The following ZC3H12B variants were observed in gnomAD, a reference collection of about 807,000 sequenced individuals.
The protein encoded by ZC3H12B is probable ribonuclease ZC3H12B.
A neutral mutation model predicts 43.9 loss-of-function variants in ZC3H12B; 7 were observed. The observed-to-expected ratio is 0.16, with a 90% CI of 0.09 to 0.30. The LOEUF (loss-of-function observed/expected upper bound fraction) is 0.30. Ranked by LOEUF, ZC3H12B falls within the 10% of genes least tolerant of loss-of-function variation. The pLI is 1.00. For missense variants in ZC3H12B, 475 were observed against 670.2 expected (o/e 0.71, Z 3.22); for synonymous variants, 222 against 241.7 (o/e 0.92, Z 0.76).
chrX:65,500,930 C>T (rs995073201), intron 4 of ZC3H12B, among the ~76,000 whole-genome samples: 1 of 110,947 alleles, frequency 9.0e-6, no homozygotes, highest in Non-Finnish European at 1.9e-5. Flanking sequence ...CTCAATTAAT[C>T]TTTAAGTCAC....
chrX:65,394,744 T>C (rs997527688), intron 2 of ZC3H12B, among the ~76,000 whole-genome samples: 4 of 112,193 alleles, frequency 3.6e-5, no homozygotes, highest in Non-Finnish European at 7.5e-5. Context: ...GTGAGGAAAG[T>C]CAATGGTAGC....
intron 3 of ZC3H12B, among the ~76,000 whole-genome samples, chrX:65,399,381 G>A (rs1266419826): frequency 8.9e-6 from 1 of 111,921 alleles, no homozygotes; most frequent in East Asian, 2.8e-4. Flanking sequence ...GTCCTGAATA[G>A]GCATTTCTCA....
At chrX:65,146,225 A>G in the ZC3H12B span, among the ~76,000 whole-genome samples, 1 of 111,176 alleles carries the variant, frequency 9.0e-6, no homozygotes, top group Non-Finnish European at 1.9e-5. Context: ...TAATTCAAAG[A>G]CCTTGTCTTC....
chrX:65,312,855 T>C, the ZC3H12B span, among the ~76,000 whole-genome samples: 1 of 111,641 alleles, frequency 9.0e-6, no homozygotes, highest in East Asian at 2.8e-4. Context: ...ACATTGCTTA[T>C]TGGTTTTTTG....
At chrX:65,067,084 G>A in the ZC3H12B span, among the ~76,000 whole-genome samples, 3 of 110,794 alleles carry the variant, frequency 2.7e-5, no homozygotes, top group South Asian at 1.2e-3. Flanking sequence ...GCTCTGTGGG[G>A]GTGCAACCTG....
the ZC3H12B span, among the ~76,000 whole-genome samples, chrX:65,166,635 G>T: frequency 8.9e-6 from 1 of 111,812 alleles, no homozygotes; most frequent in Non-Finnish European, 1.9e-5. Flanking sequence ...CTTCCACAAT[G>T]GTTGAACTAG....
the ZC3H12B span, among the ~76,000 whole-genome samples, chrX:65,072,802 A>G: frequency 1.8e-5 from 2 of 112,109 alleles, no homozygotes; most frequent in Non-Finnish European, 1.9e-5. Flanking sequence ...AACAGGTGCC[A>G]GGGTGCAGGC....
chrX:65,128,390 A>G, the ZC3H12B span, among the ~76,000 whole-genome samples: 1 of 112,016 alleles, frequency 8.9e-6, no homozygotes, highest in Non-Finnish European at 1.9e-5. Context: ...TCTGTTATCA[A>G]TTTCTAGATT....
chrX:65,175,756 G>A, the ZC3H12B span, among the ~76,000 whole-genome samples: 1 of 112,145 alleles, frequency 8.9e-6, no homozygotes, highest in African/African-American at 3.2e-5. Flanking sequence ...GAAGCACGGT[G>A]GGGCGTTGCC....
exon 5 of ZC3H12B, chrX:65,502,599 A>C: frequency 8.3e-7 from 1 of 1,210,166 alleles, no homozygotes; most frequent in Non-Finnish European, 1.1e-6. Context: ...GGTTACCATG[A>C]AGCCTTAACA....
chrX:65,073,369 T>C, the ZC3H12B span, among the ~76,000 whole-genome samples: 1 of 112,054 alleles, frequency 8.9e-6, no homozygotes, highest in Non-Finnish European at 1.9e-5. Flanking sequence ...GCTGGAACTC[T>C]TTTCTGGCCA....
the ZC3H12B span, among the ~76,000 whole-genome samples, chrX:65,359,316 A>G: frequency 8.9e-6 from 1 of 112,050 alleles, no homozygotes; most frequent in Non-Finnish European, 1.9e-5. Context: ...TTGATTTTCA[A>G]GTCCTATTAT....
the ZC3H12B span, among the ~76,000 whole-genome samples, chrX:65,227,627 C>G: frequency 6.3e-5 from 7 of 110,442 alleles, no homozygotes; most frequent in Admixed American, 1.9e-4. Context: ...AAAATTGATA[C>G]ACTGCTAGCA....
the ZC3H12B span, among the ~76,000 whole-genome samples, chrX:65,069,113 G>C: frequency 9.2e-6 from 1 of 108,654 alleles, no homozygotes; most frequent in Non-Finnish European, 1.9e-5. Flanking sequence ...AGTCTTCTTT[G>C]GGTTCAATCT....
chrX:65,120,068 A>C, the ZC3H12B span, among the ~76,000 whole-genome samples: 1 of 111,999 alleles, frequency 8.9e-6, no homozygotes, highest in African/African-American at 3.2e-5. Flanking sequence ...TATAGTTTGA[A>C]GTCAGGTAGC....
the ZC3H12B span, among the ~76,000 whole-genome samples, chrX:65,178,249 T>G: frequency 8.9e-6 from 1 of 112,264 alleles, no homozygotes; most frequent in Non-Finnish European, 1.9e-5. Flanking sequence ...TTATACCTTA[T>G]ACAAAGATTA....
intron 2 of ZC3H12B, among the ~76,000 whole-genome samples, chrX:65,394,650 T>A (rs2066672196): frequency 8.9e-6 from 1 of 111,987 alleles, no homozygotes; most frequent in Non-Finnish European, 1.9e-5. Flanking sequence ...CCTCTAGCTT[T>A]GTTCTTTTTA....
chrX:65,230,924 A>G, the ZC3H12B span, among the ~76,000 whole-genome samples: 1 of 112,249 alleles, frequency 8.9e-6, no homozygotes, highest in African/African-American at 3.2e-5. Context: ...AACCACTTCT[A>G]TCTTTAGTAT....
the ZC3H12B span, among the ~76,000 whole-genome samples, chrX:65,174,803 C>G: frequency 8.9e-6 from 1 of 111,942 alleles, no homozygotes; most frequent in Non-Finnish European, 1.9e-5. Context: ...TCTTAGCTTG[C>G]TGGGCTCCAT....
Sources: gnomAD v4.1 joint callset for allele counts (sites outside exome capture counted in the v4.1 genomes callset) on GRCh38, gnomAD v4.1.1 for gene constraint, MANE v1.5 for transcripts, NCBI Gene and HGNC (gene_info 2026-07-23, HGNC 2026-07-21) for gene names.